The following DLAT variants were observed in gnomAD, a reference collection of about 807,000 sequenced individuals.
DLAT encodes dihydrolipoyllysine-residue acetyltransferase component of pyruvate dehydrogenase complex, mitochondrial.
In DLAT, 43 loss-of-function variants were observed where a neutral mutation model predicts 68.0. The ratio of observed to expected loss-of-function variants is 0.63; its 90% CI spans 0.50 to 0.81. The LOEUF (loss-of-function observed/expected upper bound fraction) is 0.81. Ranked by LOEUF, DLAT falls within the 40% of genes least tolerant of loss-of-function variation. The probability of loss-of-function intolerance (pLI) is 0.00; values close to 1 mark genes in which losing one functional copy is unlikely to be tolerated. For missense variants in DLAT, 745 were observed against 815.4 expected, an observed-to-expected ratio of 0.91 and a Z score of 1.05; for synonymous variants, 265 against 288.6, an observed-to-expected ratio of 0.92 and a Z score of 0.83.
chr11:112,027,985 G>A (rs1416405146), intron 2 of DLAT, among the ~76,000 whole-genome samples: 1 of 151,432 alleles, frequency 6.6e-6, no homozygotes, highest in African/African-American at 2.4e-5. Flanking sequence ...AGATGAGTTC[G>A]AAGAGACTGG....
At chr11:112,056,539 G>T (rs1464156089) in intron 11 of DLAT, among the ~76,000 whole-genome samples, 2 of 152,074 alleles carry the variant, frequency 1.3e-5, no homozygotes, top group Admixed American at 6.5e-5. Flanking sequence ...TTTTATTGCT[G>T]TATAGTGTTT....
At chr11:112,036,197 GTGTGTTTTTTT>G (rs1862747390) in intron 5 of DLAT, among the ~76,000 whole-genome samples, 2 of 59,562 alleles carry the variant, frequency 3.4e-5, no homozygotes, top group Non-Finnish European at 6.5e-5. Context: ...GTGTGTGTGT[GTGTGTTTTTTT>G]TTTTTTTTTT....
chr11:112,051,391 C>A lies in DLAT; in HGVS notation c.1514+42C>A. The A allele has an allele frequency of 7.1e-7, 1 of 1,417,612 alleles. No individual in the cohort carries two copies. The highest frequency in any genetic ancestry group is 1.1e-5 in the South Asian group (1 of 87,028). The allele number at this position is 1,417,612 out of a possible 1,614,324, so 87.8% of individuals were successfully genotyped here. On this transcript the variant is annotated intron_variant, in intron 11 of 13. Transcript: ENST00000280346. The surrounding 1 kb of genome is among the most constrained non-coding windows in gnomAD (Gnocchi z 4.3). ...AAGATATATATCCATCGGTAGTTTT[C>A]TTGTATTATTTAATGTGTGAGTGGA...
intron 13 of DLAT, chr11:112,061,577 T>G (rs782106719): frequency 6.6e-5 from 13 of 196,968 alleles, no homozygotes; most frequent in East Asian, 2.8e-4. Context: ...TCAGTGTTTT[T>G]TTTGTTTGTT....
chr11:112,039,047 T>C (rs1862919022), intron 6 of DLAT, among the ~76,000 whole-genome samples, 197 bp from the exon 7 acceptor site: 1 of 152,174 alleles, frequency 6.6e-6, no homozygotes, highest in South Asian at 2.1e-4. Context: ...GATATAGAAG[T>C]ATATTGTTCT....
intron 11 of DLAT, among the ~76,000 whole-genome samples, chr11:112,054,164 A>G (rs1419392484): frequency 3.3e-5 from 5 of 151,890 alleles, no homozygotes; most frequent in Non-Finnish European, 7.4e-5. Flanking sequence ...CAAAAAAAAA[A>G]AAATAGCTAG....
chr11:112,040,583 G>A (rs1365365184), intron 7 of DLAT, among the ~76,000 whole-genome samples: 2 of 152,138 alleles, frequency 1.3e-5, no homozygotes, highest in African/African-American at 2.4e-5. Context: ...TCTGCAATTT[G>A]CTATCTTGTA....
Position 112,045,144 on chromosome 11 carries a change from G to A in DLAT, c.1204G>A (p.Ala402Thr), listed in dbSNP as rs587639931. 1 of 1,613,894 alleles carries A rather than the reference G, an allele frequency of 6.2e-7. No individual in the cohort carries two copies. Among genetic ancestry groups the A allele is most frequent in the African/African-American group, 1.3e-5 (1 of 75,012 alleles). The part of the protein sequence containing the change: ...FVPSKVAPAP[A>T]AVVPPTGPGM... ...TTTTTCTTTCCTCCCATAGGCTCCG[G>A]CAGCTGTTGTGCCTCCCACAGGTCC... is the stretch of plus-strand genomic sequence containing the variant. The change falls in exon 9 of 14, where the codon GCA (alanine) becomes ACA (threonine). Residue 402 changes from alanine (A) to threonine (T), a missense_variant. By Grantham distance (58) the Ala-to-Thr change is moderately conservative (BLOSUM62 0). Transcript: ENST00000280346.
chr11:112,033,876 ACCACACCTAGCTGATTT>A (rs1862551893), intron 5 of DLAT, among the ~76,000 whole-genome samples: 1 of 152,056 alleles, frequency 6.6e-6, no homozygotes, highest in Non-Finnish European at 1.5e-5. Flanking sequence ...GGCCTGAACC[ACCACACCTAGCTGATTT>A]TTTAAATTTT....
intron 2 of DLAT, among the ~76,000 whole-genome samples, chr11:112,028,171 G>T (rs587691851): frequency 6.6e-6 from 1 of 152,236 alleles, no homozygotes; most frequent in South Asian, 2.1e-4. Context: ...TTTGAAATCT[G>T]TCGTAGTGGC....
chr11:112,026,586 A>G (rs1862028514), intron 2 of DLAT, among the ~76,000 whole-genome samples: 1 of 152,168 alleles, frequency 6.6e-6, no homozygotes, highest in African/African-American at 2.4e-5. Flanking sequence ...ACTGCCCTTA[A>G]TCCATTTAAC....
chr11:112,045,555 G>T (rs1205579565), intron 9 of DLAT, among the ~76,000 whole-genome samples: 2 of 152,058 alleles, frequency 1.3e-5, no homozygotes, highest in African/African-American at 4.8e-5. Context: ...GGGCATGGTG[G>T]CACATGCCTG....
At chr11:112,032,785 T>G (rs987838766) in intron 4 of DLAT, among the ~76,000 whole-genome samples, 1 of 152,034 alleles carries the variant, frequency 6.6e-6, no homozygotes, top group Non-Finnish European at 1.5e-5. Flanking sequence ...AAAAATGAAG[T>G]CTGGGCGCGG....
At chr11:112,029,314 C>T (rs587775129) in intron 4 of DLAT, among the ~76,000 whole-genome samples, 9 of 152,158 alleles carry the variant, frequency 5.9e-5, no homozygotes, top group African/African-American at 1.2e-4. Context: ...GAAGAAATAC[C>T]TAGGGCTGGG....
chr11:112,064,070 T>A lies in DLAT; in HGVS notation c.*1535T>A, dbSNP rs1864802102. 8.5e-6 allele frequency: 9 copies of A among 1,059,906 alleles called. No individual in the cohort carries two copies. The highest frequency in any genetic ancestry group is 1.2e-5 in the Non-Finnish European group (9 of 750,324). 65.7% of individuals were successfully genotyped at this position (1,059,906 alleles called of 1,614,324 possible). ...TATGAAAACAATACATTAATTTGATTTTTCAGTAATTAGTAATTTTAGGTT... is the reference window on the plus strand; with the variant it reads ...TATGAAAACAATACATTAATTTGATATTTCAGTAATTAGTAATTTTAGGTT... On this transcript the variant is annotated 3_prime_UTR_variant, in exon 14 of 14. Transcript: ENST00000280346.
chr11:112,053,500 T>C (rs1863791082), intron 11 of DLAT, among the ~76,000 whole-genome samples: 1 of 152,122 alleles, frequency 6.6e-6, no homozygotes, highest in Non-Finnish European at 1.5e-5. Context: ...TCGCCTAGGC[T>C]AGAGTGCAGT....
Position 112,026,307 on chromosome 11 carries a change from T to G in DLAT, c.381+8T>G, listed in dbSNP as rs782048424. ...GGTGACCTAATTGCAGAGGTAAGTT[T>G]TTTTTTTTTTTTTTAATTAATTTAT... is the stretch of plus-strand genomic sequence containing the variant. On this transcript the variant is annotated splice_region_variant and intron_variant, in intron 2 of 13. Transcript: ENST00000280346. 9.7e-6 allele frequency: 13 copies of G among 1,334,026 alleles called. No individual in the cohort carries two copies. The East Asian group carries it at 1.9e-4, about 19-fold the overall frequency. The allele number at this position is 1,334,026 out of a possible 1,614,324, so 82.6% of individuals were successfully genotyped here. A position where few individuals can be genotyped will look rare whatever the true frequency, so the allele number is the denominator to read the frequency against.
rs146803898 is a variant in DLAT, at chr11:112,057,799, G to A, written c.1515-2104G>A. ...AGATAATTGATATCCCTCATCAGTC[G>A]GCAGCCATCAACATCAAGGCAAGAT... On this transcript the variant is annotated intron_variant, in intron 11 of 13. Coordinates refer to ENST00000280346, the MANE Select transcript of DLAT (RefSeq NM_001931.5). Among the ~76,000 whole-genome samples the A allele has an allele frequency of 1.3e-4, 20 of 152,164 alleles. 1 individual carries two copies. The highest frequency in any genetic ancestry group is 4.6e-4 in the African/African-American group (19 of 41,510).
intron 11 of DLAT, among the ~76,000 whole-genome samples, chr11:112,058,019 G>T (rs1406577500): frequency 2.0e-5 from 3 of 152,098 alleles, no homozygotes; most frequent in Non-Finnish European, 4.4e-5. Flanking sequence ...CATGTGACTC[G>T]CTTTATTGCA....
Sources: allele counts gnomAD v4.1 joint callset (sites outside exome capture counted in the v4.1 genomes callset), GRCh38; gene constraint gnomAD v4.1.1; non-coding constraint Gnocchi (gnomAD v3.1); transcripts MANE v1.5; gene names NCBI Gene and HGNC (gene_info 2026-07-23, HGNC 2026-07-21).